CASP8: variants seen among roughly 807,000 people sequenced by gnomAD.
CASP8 encodes caspase 8.
CASP8 carries 24 observed loss-of-function variants against 46.3 expected under a neutral mutation model. The observed-to-expected ratio is 0.52, with a 90% CI of 0.38 to 0.73. The LOEUF (loss-of-function observed/expected upper bound fraction) is 0.73. Among genes scored for constraint, CASP8 ranks in the 30% least tolerant of loss-of-function variants. The pLI, the probability that CASP8 is intolerant of heterozygous loss-of-function variation, is 0.00. For missense variants in CASP8, 460 were observed against 559.0 expected (o/e 0.82, Z 1.79); for synonymous variants, 188 against 200.4 (o/e 0.94, Z 0.52).
chr2:201,252,503 T>C (rs1946831230), intron 2 of CASP8, among the ~76,000 whole-genome samples: 1 of 152,364 alleles, frequency 6.6e-6, no homozygotes, highest in Admixed American at 6.5e-5. Flanking sequence ...CTGGATCACT[T>C]GACCTCGTGA....
In CASP8 at chr2:201,274,759, G is replaced by A; in HGVS notation, c.596-130G>A. 5.3e-6 allele frequency: 4 copies of A among 758,490 alleles called. No homozygotes were observed. In the Admixed American group the frequency reaches 6.6e-5, roughly 13 times the overall value. The allele number at this position is 758,490 out of a possible 1,614,324, so 47.0% of individuals were successfully genotyped here. A position where few individuals can be genotyped will look rare whatever the true frequency, so the allele number is the denominator to read the frequency against. On this transcript the variant is annotated intron_variant, in intron 5 of 8. Transcript: ENST00000673742. ...CCCAAAGTGCTGGGATTACCGGCGT[G>A]AGCCCCTGTTCCCAGCTTGAATTTT...
upstream of CASP8, among the ~76,000 whole-genome samples, chr2:201,258,649 A>G (rs1360711999): frequency 6.6e-6 from 1 of 152,212 alleles, no homozygotes; most frequent in Non-Finnish European, 1.5e-5. Flanking sequence ...CCTCGAATGC[A>G]GATACACGGT....
At chr2:201,251,522 G>C (rs1946777044) in intron 2 of CASP8, among the ~76,000 whole-genome samples, 1 of 150,292 alleles carries the variant, frequency 6.7e-6, no homozygotes, top group South Asian at 2.1e-4. Flanking sequence ...TTGAACCTGG[G>C]AGGTGGAGGT....
In CASP8 at chr2:201,273,919, C is replaced by T. The variant is rs1214549629; in HGVS notation, c.596-970C>T. Among the ~76,000 whole-genome samples, 3 of 152,072 alleles carry T rather than the reference C, an allele frequency of 2.0e-5. 1 individual carries two copies. Among genetic ancestry groups the T allele is most frequent in the Admixed American group, 6.6e-5 (1 of 15,266 alleles). Reference sequence around the variant, plus strand: ...TGAACTCCTGAGCTCAAGCCATCCACCTACCTGGGCCTCCCAAAGTGCTGG... The same window carrying T: ...TGAACTCCTGAGCTCAAGCCATCCATCTACCTGGGCCTCCCAAAGTGCTGG... On this transcript the variant is annotated intron_variant, in intron 5 of 8. Transcript: ENST00000673742.
chr2:201,257,061 C>T (rs1268236936), upstream of CASP8, among the ~76,000 whole-genome samples: 5 of 152,126 alleles, frequency 3.3e-5, no homozygotes, highest in Admixed American at 3.3e-4. Flanking sequence ...AGGAGAATCG[C>T]TTGAACCCGG....
At chr2:201,270,566 C>A (rs1474330952) in intron 2 of CASP8, among the ~76,000 whole-genome samples, 1 of 152,168 alleles carries the variant, frequency 6.6e-6, no homozygotes, top group Non-Finnish European at 1.5e-5. Context: ...CAATTATTTT[C>A]TGTTTTTATT....
chr2:201,239,084 G>A (rs929142929), intron 2 of CASP8, among the ~76,000 whole-genome samples: 9 of 152,208 alleles, frequency 5.9e-5, no homozygotes, highest in South Asian at 2.1e-4. Context: ...AGGGTTGGGG[G>A]TAAGGTCACA....
intron 2 of CASP8, chr2:201,269,366 G>C (rs1435895965): frequency 1.6e-6 from 1 of 642,336 alleles, no homozygotes; most frequent in Non-Finnish European, 2.8e-6. Flanking sequence ...CAGTACACTA[G>C]ATAGCTTTGG....
At chr2:201,269,361 C>T (rs928332091) in intron 2 of CASP8, 3 of 631,656 alleles carry the variant, frequency 4.7e-6, no homozygotes, top group Non-Finnish European at 8.6e-6. Flanking sequence ...TCAACCAGTA[C>T]ACTAGATAGC....
At position 201,284,818 on chromosome 2, in the gene CASP8, G is replaced by A. The variant is rs1375836336; in HGVS notation, c.805G>A (p.Ala269Thr). ...ACTGTTCAAATTTCACTTTTCAGGG[G>A]CTTTGACCACGACCTTTGAAGAGCT... is the stretch of plus-strand genomic sequence containing the variant. ...DRNGTHLDAG[A>T]LTTTFEELHF... Residue 269 changes from alanine to threonine, a missense_variant and splice_region_variant, in exon 8 of 9, where the codon GCT becomes ACT. By Grantham distance (58) the Ala-to-Thr change is moderately conservative. Coordinates refer to ENST00000673742, the MANE Select transcript of CASP8 (RefSeq NM_001372051.1). The A allele has an allele frequency of 1.2e-6, 2 of 1,611,512 alleles. No homozygotes were observed. The highest frequency in any genetic ancestry group is 1.7e-6 in the Non-Finnish European group (2 of 1,179,476).
chr2:201,271,316 G>T (rs1393518301), intron 2 of CASP8, among the ~76,000 whole-genome samples, 200 bp from the exon 3 acceptor site: 3 of 152,046 alleles, frequency 2.0e-5, no homozygotes, highest in African/African-American at 4.8e-5. Context: ...AATTGTTAAG[G>T]GTGGGAAAGT....
chr2:201,253,156 C>G (rs72932862), intron 2 of CASP8, among the ~76,000 whole-genome samples: 8,396 of 151,866 alleles, frequency 0.055, 346 homozygotes, highest in African/African-American at 0.11. Context: ...CCACCACACC[C>G]GACTAATTTT....
intron 2 of CASP8, among the ~76,000 whole-genome samples, chr2:201,270,138 T>C (rs1427410825): frequency 1.3e-5 from 2 of 152,246 alleles, no homozygotes; most frequent in African/African-American, 2.4e-5. Flanking sequence ...ATTGAAAGGT[T>C]TGCTGACTTC....
intron 2 of CASP8, among the ~76,000 whole-genome samples, chr2:201,268,568 A>C (rs1048755794): frequency 2.0e-4 from 30 of 151,952 alleles, no homozygotes; most frequent in Non-Finnish European, 3.7e-4. Context: ...AAAAAGAAAG[A>C]GATATTCTGG....
Position 201,283,187 on chromosome 2 carries a change from ACCT to A in CASP8, c.803-1625_803-1623del, listed in dbSNP as rs1190235956. Among the ~76,000 whole-genome samples, 2 of 54,574 alleles carry A rather than the reference ACCT, an allele frequency of 3.7e-5. 1 individual carries two copies. Among genetic ancestry groups the A allele is most frequent in the East Asian group, 1.1e-3 (2 of 1,814 alleles). 35.8% of individuals were successfully genotyped at this position (54,574 alleles called of 152,430 possible). A position where few individuals can be genotyped will look rare whatever the true frequency, so the allele number is the denominator to read the frequency against. On this transcript the variant is annotated intron_variant, in intron 7 of 8. Coordinates refer to ENST00000673742, the MANE Select transcript of CASP8 (RefSeq NM_001372051.1). ...GGGCGGCCGGGCAGAGGCGCCCCTC[ACCT>A]CCTGGACGGGGCGGCTGGCCAGGCG...
At chr2:201,285,958 C>T (rs1481537195) in intron 8 of CASP8, among the ~76,000 whole-genome samples, 2 of 152,152 alleles carry the variant, frequency 1.3e-5, no homozygotes, top group Non-Finnish European at 1.5e-5. Context: ...GCAAGGTTTC[C>T]GCGGCTAGCT....
intron 7 of CASP8, among the ~76,000 whole-genome samples, chr2:201,279,119 A>G (rs141388807): frequency 2.2e-4 from 33 of 152,340 alleles, no homozygotes; most frequent in Non-Finnish European, 4.9e-4. Flanking sequence ...AATTGGAAGT[A>G]CAAAGTGTAG....
At chr2:201,265,353 T>G (rs1947727397) in intron 1 of CASP8, among the ~76,000 whole-genome samples, 1 of 147,428 alleles carries the variant, frequency 6.8e-6, no homozygotes, top group East Asian at 2.0e-4. Context: ...CCAGCTTGGG[T>G]GACAGAGCAA....
At chr2:201,252,705 CAG>C (rs765993811) in intron 2 of CASP8, among the ~76,000 whole-genome samples, 1 of 152,196 alleles carries the variant, frequency 6.6e-6, no homozygotes, top group African/African-American at 2.4e-5. Context: ...CTCATTTTCT[CAG>C]AAACTAGGAT....
Sources: allele counts gnomAD v4.1 joint callset (sites outside exome capture counted in the v4.1 genomes callset), GRCh38; gene constraint gnomAD v4.1.1; transcripts MANE v1.5; gene names NCBI Gene and HGNC (gene_info 2026-07-23, HGNC 2026-07-21).